RAP1B: variants seen among roughly 807,000 people sequenced by gnomAD.
RAP1B encodes the protein RAP1B, member of RAS oncogene family, also known as ras-related protein Rap-1b.
Under a neutral mutation model 27.5 loss-of-function variants are expected in RAP1B, and 1 was observed. The observed-to-expected ratio is 0.04, with a 90% CI of 0.01 to 0.17. The LOEUF (loss-of-function observed/expected upper bound fraction) is 0.17. RAP1B is among the 10% of genes least tolerant of loss of function. The pLI is 1.00. For missense variants in RAP1B, 84 were observed against 214.8 expected, an observed-to-expected ratio of 0.39 and a Z score of 3.81; for synonymous variants, 75 against 73.1, an observed-to-expected ratio of 1.03 and a Z score of -0.13.
chr12:68,633,855 G>A (rs1397977881), intron 1 of RAP1B, among the ~76,000 whole-genome samples: 2 of 152,172 alleles, frequency 1.3e-5, no homozygotes, highest in Admixed American at 1.3e-4. Context: ...GGGCAATACA[G>A]TAAGACTCTG....
intron 5 of RAP1B, among the ~76,000 whole-genome samples, chr12:68,655,192 C>T (rs1874117193): frequency 6.6e-6 from 1 of 151,354 alleles, no homozygotes; most frequent in Non-Finnish European, 1.5e-5. Context: ...GTGGCGCGTG[C>T]CTGTGGTCTC....
intron 3 of RAP1B, among the ~76,000 whole-genome samples, chr12:68,651,448 T>C (rs1331606723): frequency 6.6e-6 from 1 of 152,172 alleles, no homozygotes; most frequent in Non-Finnish European, 1.5e-5. Context: ...TTTCTACATC[T>C]AATTCTAAAT....
At chr12:68,633,589 G>A (rs548289902) in intron 1 of RAP1B, among the ~76,000 whole-genome samples, 20 of 152,202 alleles carry the variant, frequency 1.3e-4, no homozygotes, top group South Asian at 6.2e-4. Flanking sequence ...CTAATATCTC[G>A]GCTGGGTGCG....
chr12:68,630,430 A>T (rs561626710), intron 1 of RAP1B, among the ~76,000 whole-genome samples: 1 of 152,304 alleles, frequency 6.6e-6, no homozygotes, highest in Admixed American at 6.5e-5. Context: ...ACAAAAACAA[A>T]AAAACAGGGA....
At chr12:68,635,538 C>T (rs564019647) in intron 1 of RAP1B, among the ~76,000 whole-genome samples, 2 of 152,134 alleles carry the variant, frequency 1.3e-5, no homozygotes, top group South Asian at 4.2e-4. Context: ...TCACTGCAAC[C>T]TCCGCCTCCT....
In RAP1B at chr12:68,657,159, G is replaced by A. The variant is rs541532682; in HGVS notation, c.527G>A (p.Arg176His). 2.5e-6 allele frequency: 4 copies of A among 1,612,582 alleles called. No individual in the cohort carries two copies. The highest frequency in any genetic ancestry group is 2.2e-5 in the East Asian group (1 of 44,848). Residue 176 changes from arginine to histidine, a missense_variant, in exon 7 of 8, where the codon CGC becomes CAC. By Grantham distance (29) the Arg-to-His change is conservative. Coordinates refer to ENST00000250559, the MANE Select transcript of RAP1B (RefSeq NM_001010942.3). Reference sequence around the variant, plus strand: ...AAAACTCCAGTGCCTGGGAAGGCTCGCAAAAAGTCATCATGTCAGCTGCTT... The same window carrying A: ...AAAACTCCAGTGCCTGGGAAGGCTCACAAAAAGTCATCATGTCAGCTGCTT... Reference protein sequence around the residue: ...NRKTPVPGKARKKSSCQLL With the variant: ...NRKTPVPGKAHKKSSCQLL
chr12:68,655,878 T>A (rs1874169012), intron 5 of RAP1B, among the ~76,000 whole-genome samples: 1 of 152,146 alleles, frequency 6.6e-6, no homozygotes, highest in African/African-American at 2.4e-5. Context: ...AACTAAAAAT[T>A]CTATTTTGGG....
At chr12:68,640,387 C>T (rs1007674018) in intron 1 of RAP1B, among the ~76,000 whole-genome samples, 11 of 152,026 alleles carry the variant, frequency 7.2e-5, no homozygotes, top group African/African-American at 2.2e-4. Context: ...ATACCCTTTA[C>T]TCCAGATTAT....
In RAP1B at chr12:68,643,863, A is replaced by ACGTT. The variant is rs572582914; in HGVS notation, c.-26-4835_-26-4834insGTTC. 3.6e-4 allele frequency among the ~76,000 whole-genome samples: 55 copies of ACGTT among 152,240 alleles called. No individual in the cohort carries two copies. The South Asian group carries it at 0.011, about 30-fold the overall frequency. ...ATTTTTTCTATTTATTAACAATAGA[A>ACGTT]CTGTCAGGAAAAAAAATAAGCAAAA... is the stretch of plus-strand genomic sequence containing the variant. On this transcript the variant is annotated intron_variant, in intron 1 of 7. Transcript: ENST00000250559.
rs1348228081 is a variant in RAP1B at position 68,668,854 on chromosome 12, A to G, written c.*9605A>G. Reference sequence around the variant, plus strand: ...TAAGCTCTGATAGTTGGGAAATAATACTAGTTATTTCTTGGACACCCTAAG... The same window carrying G: ...TAAGCTCTGATAGTTGGGAAATAATGCTAGTTATTTCTTGGACACCCTAAG... On this transcript the variant is annotated 3_prime_UTR_variant, in exon 8 of 8. Coordinates refer to ENST00000250559, the MANE Select transcript of RAP1B (RefSeq NM_001010942.3). 6.6e-6 allele frequency: 1 copy of G among 152,196 alleles called. No individual in the cohort carries two copies. Among genetic ancestry groups the G allele is most frequent in the Admixed American group, 6.5e-5 (1 of 15,276 alleles). 9.4% of individuals were successfully genotyped at this position (152,196 alleles called of 1,614,324 possible). A position where few individuals can be genotyped will look rare whatever the true frequency, so the allele number is the denominator to read the frequency against.
Position 68,657,083 on chromosome 12 carries a change from A to G in RAP1B, c.469-18A>G. ...AGGTGTTCCTCCTGTAAATTAAAAC[A>G]AATTATTGTATTTGCAGATCTTTTA... On this transcript the variant is annotated intron_variant, in intron 6 of 7. Transcript: ENST00000250559. 6.2e-7 allele frequency: 1 copy of G among 1,604,372 alleles called. No homozygotes were observed. Among genetic ancestry groups the G allele is most frequent in the Non-Finnish European group, 8.5e-7 (1 of 1,172,612 alleles).
chr12:68,659,145 CTAATG>C, intron 7 of RAP1B, 130 bp from the exon 8 acceptor site: 1 of 384,972 alleles, frequency 2.6e-6, no homozygotes, highest in South Asian at 2.0e-5. Context: ...TATGTTGCCA[CTAATG>C]TAATGCCTAG....
chr12:68,647,382 T>TCCCCCCCCCC (rs1565670496), intron 1 of RAP1B, among the ~76,000 whole-genome samples: 2 of 1,932 alleles, frequency 1.0e-3, no homozygotes, highest in East Asian at 0.026. Flanking sequence ...CCCACTCCAC[T>TCCCCCCCCCC]CCCCGCCCCC....
intron 1 of RAP1B, among the ~76,000 whole-genome samples, chr12:68,628,406 A>G (rs1027357643): frequency 2.0e-5 from 3 of 152,248 alleles, no homozygotes; most frequent in Non-Finnish European, 4.4e-5. Context: ...TTAGCTTCCA[A>G]CTTCATTCTC....
chr12:68,621,843 G>A (rs1273413462), intron 1 of RAP1B, among the ~76,000 whole-genome samples: 2 of 152,204 alleles, frequency 1.3e-5, no homozygotes, highest in Non-Finnish European at 2.9e-5. Flanking sequence ...TCACTAAGCA[G>A]TTTGACTGGA....
chr12:68,657,486 C>T (rs1874288251), intron 7 of RAP1B: 1 of 201,708 alleles, frequency 5.0e-6, no homozygotes, highest in Non-Finnish European at 1.0e-5. Context: ...CTCCCTGCAA[C>T]CTCCGCCTCC....
chr12:68,653,973 C>A, intron 4 of RAP1B, 139 bp from the exon 5 acceptor site: 1 of 750,942 alleles, frequency 1.3e-6, no homozygotes, highest in Non-Finnish European at 2.1e-6. Flanking sequence ...CAAATAGTAT[C>A]TTGTCATAGA....
At chr12:68,642,482 AC>A in intron 1 of RAP1B, 1 of 856,610 alleles carries the variant, frequency 1.2e-6, no homozygotes, top group South Asian at 1.5e-5. Context: ...AATGTGTAAT[AC>A]AAGGGCCAGA....
intron 7 of RAP1B, among the ~76,000 whole-genome samples, chr12:68,658,230 T>C (rs752015258): frequency 2.2e-4 from 34 of 152,360 alleles, no homozygotes; most frequent in African/African-American, 6.7e-4. Context: ...TCAGAGTTTT[T>C]ATTCCTGCCT....
Sources: gnomAD v4.1 joint callset for allele counts (sites outside exome capture counted in the v4.1 genomes callset) on GRCh38, gnomAD v4.1.1 for gene constraint, MANE v1.5 for transcripts, NCBI Gene and HGNC (gene_info 2026-07-23, HGNC 2026-07-21) for gene names.